COL5A1: variants seen among roughly 807,000 people sequenced by gnomAD.
COL5A1 encodes the protein collagen alpha-1(V) chain.
In COL5A1, 16 loss-of-function variants were observed where a neutral mutation model predicts 263.7. That is an observed-to-expected ratio of 0.06 (90% CI 0.04 to 0.09). COL5A1 has a LOEUF of 0.09. Among genes scored for constraint, COL5A1 ranks in the 10% least tolerant of loss-of-function variants. The probability of loss-of-function intolerance (pLI) is 1.00; values close to 1 mark genes in which losing one functional copy is unlikely to be tolerated. For missense variants in COL5A1, 2,036 were observed against 2,540.5 expected, an observed-to-expected ratio of 0.80 and a Z score of 4.27; for synonymous variants, 1,012 against 1,004.5, an observed-to-expected ratio of 1.01 and a Z score of -0.14.
chr9:134,718,293 A>T (rs1834341737), intron 4 of COL5A1, among the ~76,000 whole-genome samples: 1 of 152,250 alleles, frequency 6.6e-6, no homozygotes, highest in Non-Finnish European at 1.5e-5. Context: ...GCTCTGCAGC[A>T]GAGCGGAATG....
intron 11 of COL5A1, among the ~76,000 whole-genome samples, chr9:134,739,458 AG>A (rs1835222616): frequency 6.6e-6 from 1 of 152,176 alleles, no homozygotes; most frequent in African/African-American, 2.4e-5. Context: ...GGGAGAAACA[AG>A]GGCTGCGTGC....
chr9:134,753,792 T>A, intron 14 of COL5A1, 58 bp from the exon 15 acceptor site: 1 of 1,022,046 alleles, frequency 9.8e-7, no homozygotes, highest in East Asian at 2.8e-5. Flanking sequence ...CCCCAGCCCT[T>A]CCTGTGTTCT....
intron 48 of COL5A1, 91 bp from the exon 49 acceptor site, chr9:134,813,881 GGCAGGCAGACA>G (rs1167332417): frequency 6.0e-6 from 8 of 1,332,102 alleles, no homozygotes; most frequent in Non-Finnish European, 8.4e-6. Flanking sequence ...GGTGCCCAGG[GGCAGGCAGACA>G]GCAGGCAGGA....
chr9:134,670,894 C>G (rs1832521789), intron 1 of COL5A1, among the ~76,000 whole-genome samples: 1 of 152,178 alleles, frequency 6.6e-6, no homozygotes, highest in Non-Finnish European at 1.5e-5. Flanking sequence ...TTCTCCCCAC[C>G]TGGTGGCTGC....
chr9:134,758,571 G>T lies in COL5A1; in HGVS notation c.1935+275G>T, dbSNP rs936763089. On this transcript the variant is annotated intron_variant, in intron 18 of 65. Coordinates refer to ENST00000371817, the MANE Select transcript of COL5A1 (RefSeq NM_000093.5). The surrounding 1 kb of genome is among the most constrained non-coding windows in gnomAD (Gnocchi z 4.1). The stretch of plus-strand genomic sequence containing the variant: ...GCCTACCCACCTGAGGCGCGTGAAG[G>T]GGGCAGGGAAGGAGCCCTTCCTTTT... Among the ~76,000 whole-genome samples, 8 of 151,468 alleles carry T rather than the reference G, an allele frequency of 5.3e-5. No individual in the cohort carries two copies. The highest frequency in any genetic ancestry group is 1.7e-4 in the African/African-American group (7 of 40,790).
intron 4 of COL5A1, among the ~76,000 whole-genome samples, chr9:134,706,283 C>T (rs998897180): frequency 6.6e-6 from 1 of 152,206 alleles, no homozygotes; most frequent in Non-Finnish European, 1.5e-5. Context: ...CCCCAGGTTT[C>T]CAGAGGTGCT....
chr9:134,737,299 C>T (rs1272407747), intron 9 of COL5A1, among the ~76,000 whole-genome samples: 1 of 152,240 alleles, frequency 6.6e-6, no homozygotes, highest in East Asian at 1.9e-4. Context: ...CACCCACACC[C>T]TCCAGAGCTG....
intron 64 of COL5A1, among the ~76,000 whole-genome samples, chr9:134,831,995 G>A (rs1162301551): frequency 2.0e-5 from 3 of 152,156 alleles, no homozygotes; most frequent in African/African-American, 7.2e-5. Context: ...CCAGGTGCAG[G>A]GGCTCATGCT....
intron 25 of COL5A1, 64 bp from the exon 26 acceptor site, chr9:134,772,726 G>A: frequency 1.3e-6 from 2 of 1,511,100 alleles, no homozygotes; most frequent in East Asian, 4.5e-5. Context: ...CGCAGGGAGG[G>A]GAAGCGAGGG....
In COL5A1 at chr9:134,686,841, C is replaced by A. The variant is rs548172142; in HGVS notation, c.110-4071C>A. On this transcript the variant is annotated intron_variant, in intron 1 of 65. Coordinates refer to ENST00000371817, the MANE Select transcript of COL5A1 (RefSeq NM_000093.5). This position sits in a 1 kb window ranked among gnomAD's most constrained non-coding sequence, Gnocchi z 4.6. The stretch of plus-strand genomic sequence containing the variant: ...AAACACTTCTTGTAGTTTAAAGATT[C>A]TGATGCCCGTGGCCTTGTGCTGGGC... Among the ~76,000 whole-genome samples, 1 of 152,288 alleles carries A rather than the reference C, an allele frequency of 6.6e-6. No individual in the cohort carries two copies. Among genetic ancestry groups the A allele is most frequent in the South Asian group, 2.1e-4 (1 of 4,826 alleles).
At position 134,747,978 on chromosome 9, in the gene COL5A1, C is replaced by T. The variant is rs570687140; in HGVS notation, c.1495-2564C>T. 5.7e-4 allele frequency among the ~76,000 whole-genome samples: 86 copies of T among 152,092 alleles called. 2 individuals are homozygous for T. The East Asian group carries it at 0.016, about 29-fold the overall frequency. ...AGACACATGCACACATGCATTCACA[C>T]ACACATGCATTCACACACACATACA... On this transcript the variant is annotated intron_variant, in intron 11 of 65. Coordinates refer to ENST00000371817, the MANE Select transcript of COL5A1 (RefSeq NM_000093.5).
chr9:134,660,593 C>A (rs981096328), intron 1 of COL5A1, among the ~76,000 whole-genome samples: 2 of 152,254 alleles, frequency 1.3e-5, no homozygotes, highest in Non-Finnish European at 2.9e-5. Context: ...GGGAGTGGTG[C>A]CCCTGGAGGT....
rs778988409 is a variant in COL5A1 at position 134,730,360 on chromosome 9, C to T, written c.1049C>T (p.Ser350Leu). Residue 350 changes from serine to leucine, a missense_variant, in exon 7 of 66, where the codon TCA (serine) becomes TTA (leucine). Around this residue, in one of 3 missense-constraint regions of COL5A1, gnomAD observed 600 missense variants for 634.5 expected, o/e 0.95. Transcript: ENST00000371817. ...CCCAGTGAGGACTACTACACGCCCT[C>T]ACCGTATGATGACCTCACCTATGGC... The part of the protein sequence containing the change: ...YVPSEDYYTP[S>L]PYDDLTYGEG... 2 of 1,614,244 alleles carry T rather than the reference C, an allele frequency of 1.2e-6. No homozygotes were observed. The highest frequency in any genetic ancestry group is 3.3e-5 in the Admixed American group (2 of 60,036).
intron 58 of COL5A1, 84 bp downstream of exon 58, chr9:134,820,307 C>T: frequency 9.3e-7 from 1 of 1,074,796 alleles, no homozygotes; most frequent in Non-Finnish European, 1.4e-6. Context: ...ACAGGAGGCC[C>T]ATCAGAGCCC....
At position 134,808,664 on chromosome 9, in the gene COL5A1, G is replaced by T. The variant is rs180801994; in HGVS notation, c.3367-519G>T. On this transcript the variant is annotated intron_variant, in intron 42 of 65. Transcript: ENST00000371817. ...TGCATGCATACCTGTGTACATAGGC[G>T]TGTTCACATGTGTGCATGTATGCAC... Among the ~76,000 whole-genome samples, 4 of 152,344 alleles carry T rather than the reference G, an allele frequency of 2.6e-5. No homozygotes were observed. The South Asian group carries it at 8.3e-4, about 32-fold the overall frequency.
rs1288861537 is a variant in COL5A1 at position 134,755,321 on chromosome 9, C to A, written c.1827+995C>A. 6.6e-6 allele frequency among the ~76,000 whole-genome samples: 1 copy of A among 152,198 alleles called. No individual in the cohort carries two copies. The highest frequency in any genetic ancestry group is 1.5e-5 in the Non-Finnish European group (1 of 68,040). ...CGTAAATCCTTCCCACCCAGTTTCA[C>A]TAGAACTGGTTTCCTAGAGTGAGGT... On this transcript the variant is annotated intron_variant, in intron 16 of 65. Coordinates refer to ENST00000371817, the MANE Select transcript of COL5A1 (RefSeq NM_000093.5). This position sits in a 1 kb window ranked among gnomAD's most constrained non-coding sequence, Gnocchi z 4.1.
Position 134,700,482 on chromosome 9 carries a change from GGT to G in COL5A1, c.491+365_491+366del. ...ATTTCAGGTATCCTTCAAGGACACA[GGT>G]GTGTTAGGAGTGGGAGTGAGCATGA... On this transcript the variant is annotated intron_variant, in intron 3 of 65. Transcript: ENST00000371817. This position sits in a 1 kb window ranked among gnomAD's most constrained non-coding sequence, Gnocchi z 4.0. Among the ~76,000 whole-genome samples, 1 of 152,206 alleles carries G rather than the reference GGT, an allele frequency of 6.6e-6. No individual in the cohort carries two copies. The highest frequency in any genetic ancestry group is 1.5e-5 in the Non-Finnish European group (1 of 68,042).
chr9:134,652,837 C>T lies in COL5A1; in HGVS notation c.109+10541C>T, dbSNP rs1225564169. 4.6e-6 allele frequency: 2 copies of T among 431,174 alleles called. No homozygotes were observed. The highest frequency in any genetic ancestry group is 1.7e-5 in the South Asian group (1 of 59,598). The allele number at this position is 431,174 out of a possible 1,614,324, so 26.7% of individuals were successfully genotyped here. A position where few individuals can be genotyped will look rare whatever the true frequency, so the allele number is the denominator to read the frequency against. On this transcript the variant is annotated intron_variant, in intron 1 of 65. Coordinates refer to ENST00000371817, the MANE Select transcript of COL5A1 (RefSeq NM_000093.5). The surrounding 1 kb of genome is among the most constrained non-coding windows in gnomAD (Gnocchi z 4.4). Reference sequence around the variant, plus strand: ...ACCAGGCCCCAGAATCCCCCCGAGGCCTCTCTTAAGGCACAGATTGTTTCT... The same window carrying T: ...ACCAGGCCCCAGAATCCCCCCGAGGTCTCTCTTAAGGCACAGATTGTTTCT...
chr9:134,819,688 A>T (rs2132867387), intron 57 of COL5A1, among the ~76,000 whole-genome samples: 1 of 152,314 alleles, frequency 6.6e-6, no homozygotes, highest in South Asian at 2.1e-4. Context: ...TTTTTTTAGA[A>T]AAACAACCCA....
Sources: gnomAD v4.1 joint callset for allele counts (sites outside exome capture counted in the v4.1 genomes callset) on GRCh38, gnomAD v4.1.1 for gene constraint, gnomAD v4.1.1 regional missense constraint, Gnocchi (gnomAD v3.1) non-coding constraint, MANE v1.5 for transcripts, NCBI Gene and HGNC (gene_info 2026-07-23, HGNC 2026-07-21) for gene names.